Variants in DNAH14 observed in about 807,000 individuals in gnomAD.
DNAH14 encodes the protein dynein axonemal heavy chain 14, also known as axonemal beta dynein heavy chain 14.
In DNAH14, 478 loss-of-function variants were observed where a neutral mutation model predicts 520.9. The ratio of observed to expected loss-of-function variants is 0.92; its 90% CI spans 0.85 to 0.99. DNAH14 has a LOEUF of 0.99. Ranked by LOEUF, DNAH14 falls within the 50% of genes least tolerant of loss-of-function variation. The pLI is 0.00. For synonymous variants in DNAH14, 1,581 were observed against 1,757.2 expected (o/e 0.90, Z 2.51); for missense variants, 4,831 against 5,234.5 (o/e 0.92, Z 2.38).
intron 17 of DNAH14, among the ~76,000 whole-genome samples, chr1:225,056,016 A>T (rs149404123): frequency 2.6e-5 from 4 of 151,612 alleles, no homozygotes; most frequent in South Asian, 2.1e-4. Context: ...GTGTCTTTAT[A>T]GCAGCATGAT....
At chr1:225,082,190 G>GTGTGTGTGTT (rs1162678183) in intron 19 of DNAH14, among the ~76,000 whole-genome samples, 1 of 151,794 alleles carries the variant, frequency 6.6e-6, no homozygotes, top group Non-Finnish European at 1.5e-5. Flanking sequence ...GTGTGTGTGT[G>GTGTGTGTGTT]TGTGTGTGCA....
At chr1:225,222,629 G>A (rs1159782850) in intron 41 of DNAH14, among the ~76,000 whole-genome samples, 1 of 152,132 alleles carries the variant, frequency 6.6e-6, no homozygotes, top group African/African-American at 2.4e-5. Context: ...CCTCTAGCTA[G>A]CCACAGAGCA....
intron 8 of DNAH14, among the ~76,000 whole-genome samples, chr1:224,987,028 T>A (rs1378959414): frequency 1.3e-5 from 2 of 152,190 alleles, no homozygotes; most frequent in African/African-American, 4.8e-5. Context: ...TATTTCTATA[T>A]GCCAACAGCA....
intron 83 of DNAH14, among the ~76,000 whole-genome samples, chr1:225,391,472 A>G (rs1272902867): frequency 1.3e-5 from 2 of 152,124 alleles, no homozygotes; most frequent in Non-Finnish European, 2.9e-5. Context: ...ACCCTGTCTT[A>G]TCAATAAATA....
intron 10 of DNAH14, among the ~76,000 whole-genome samples, chr1:225,010,007 G>A (rs114172971): frequency 0.035 from 5,301 of 152,188 alleles, 127 homozygotes; most frequent in Non-Finnish European, 0.049. Flanking sequence ...TGAAATGATG[G>A]GGTTTTCTAA....
chr1:225,257,390 A>G (rs567730982), intron 44 of DNAH14, among the ~76,000 whole-genome samples: 48 of 152,316 alleles, frequency 3.2e-4, no homozygotes, highest in African/African-American at 1.1e-3. Flanking sequence ...GACATAATCA[A>G]TGGAGTTTTC....
intron 84 of DNAH14, 68 bp downstream of exon 84, chr1:225,392,519 G>A: frequency 6.5e-7 from 1 of 1,526,886 alleles, no homozygotes; most frequent in Non-Finnish European, 8.8e-7. Context: ...TCAATCAATT[G>A]TGCCCTTTAC....
At chr1:225,088,345 A>T (rs1364105172) in intron 21 of DNAH14, among the ~76,000 whole-genome samples, 1 of 152,202 alleles carries the variant, frequency 6.6e-6, no homozygotes, top group Non-Finnish European at 1.5e-5. Context: ...GACCAAAATT[A>T]AACTTCTAGA....
In DNAH14 at chr1:224,990,953, C is replaced by T. The variant is rs12749421; in HGVS notation, c.831-11830C>T. Among the ~76,000 whole-genome samples the T allele has an allele frequency of 5.9e-3, 901 of 151,996 alleles. 2 individuals carry two copies. Among genetic ancestry groups the T allele is most frequent in the Middle Eastern group, 0.01 (3 of 294 alleles). ...CCTTTTCTCCACATCCTTGCCAACA[C>T]TCATTTATTTTTCATTTTTTTGATA... On this transcript the variant is annotated intron_variant, in intron 8 of 85. Transcript: ENST00000682510.
chr1:225,325,963 TG>T (rs1251933287), intron 64 of DNAH14, among the ~76,000 whole-genome samples: 1 of 152,198 alleles, frequency 6.6e-6, no homozygotes, highest in Non-Finnish European at 1.5e-5. Context: ...TAAAAAGGAC[TG>T]GATATTTTTG....
At chr1:224,935,858 C>G (rs984882173) in intron 1 of DNAH14, among the ~76,000 whole-genome samples, 3 of 151,670 alleles carry the variant, frequency 2.0e-5, no homozygotes, top group Admixed American at 6.6e-5. Context: ...AATCAAGTAT[C>G]TTTTTTGGCC....
At chr1:225,187,071 C>G (rs934335622) in intron 37 of DNAH14, among the ~76,000 whole-genome samples, 19 of 151,568 alleles carry the variant, frequency 1.3e-4, no homozygotes, top group African/African-American at 4.6e-4. Flanking sequence ...TGCTATATGC[C>G]TTTAGATATA....
At chr1:225,371,553 A>G (rs2095618976) in intron 77 of DNAH14, among the ~76,000 whole-genome samples, 1 of 152,306 alleles carries the variant, frequency 6.6e-6, no homozygotes, top group South Asian at 2.1e-4. Context: ...GTCATTCAAC[A>G]GTGTCTTAGA....
At chr1:225,106,398 C>A (rs1031806422) in intron 23 of DNAH14, among the ~76,000 whole-genome samples, 1 of 151,834 alleles carries the variant, frequency 6.6e-6, no homozygotes, top group Admixed American at 6.6e-5. Context: ...TTGTGGCGTT[C>A]TCTGTATTTG....
chr1:225,219,938 A>C (rs1007604409), intron 41 of DNAH14, among the ~76,000 whole-genome samples: 4 of 152,190 alleles, frequency 2.6e-5, no homozygotes, highest in Admixed American at 6.5e-5. Context: ...ATCCACCAGC[A>C]CATCAGAAAG....
rs2087672791 is a variant in DNAH14 at position 225,207,077 on chromosome 1, G to C, written c.6296G>C (p.Ser2099Thr). 1.9e-6 allele frequency: 3 copies of C among 1,550,686 alleles called. No homozygotes were observed. ...TGTCTTGAATTCATGATTAAAAATA[G>C]TGTCACAGACGGACTACAATTTATA... ...VDCLEFMIKN[S>T]VTDGLQFIRN... The change falls in exon 41 of 86, where the codon AGT (serine) becomes ACT (threonine). Residue 2099 changes from serine (S) to threonine (T), a missense_variant. Ser to Thr is a moderately conservative substitution (Grantham distance 58, BLOSUM62 1). Transcript: ENST00000682510.
rs1294478776 is a variant in DNAH14, at chr1:225,374,173, A to AC, written c.12319-515_12319-514insC. Among the ~76,000 whole-genome samples, 2 of 89,982 alleles carry AC rather than the reference A, an allele frequency of 2.2e-5. 1 individual carries two copies. The highest frequency in any genetic ancestry group is 2.3e-4 in the Admixed American group (2 of 8,514). 59.0% of individuals were successfully genotyped at this position (89,982 alleles called of 152,430 possible). The stretch of plus-strand genomic sequence containing the variant: ...TATATATATATATATATATATATAT[A>AC]TATATATATACTATTCTAGTAAATA... On this transcript the variant is annotated intron_variant, in intron 77 of 85. Coordinates refer to ENST00000682510, the MANE Select transcript of DNAH14 (RefSeq NM_001367479.1).
intron 1 of DNAH14, among the ~76,000 whole-genome samples, chr1:224,939,115 A>G (rs990076251): frequency 2.6e-5 from 4 of 152,246 alleles, no homozygotes; most frequent in African/African-American, 7.2e-5. Context: ...CAAATTATAT[A>G]TGTATATTTT....
intron 8 of DNAH14, among the ~76,000 whole-genome samples, chr1:224,976,799 T>C (rs374246267): frequency 5.3e-5 from 8 of 151,928 alleles, no homozygotes; most frequent in South Asian, 2.1e-4. Flanking sequence ...TACCATCTCA[T>C]ACCAGTTAGA....
Sources: allele counts gnomAD v4.1 joint callset (sites outside exome capture counted in the v4.1 genomes callset), GRCh38; gene constraint gnomAD v4.1.1; transcripts MANE v1.5; gene names NCBI Gene and HGNC (gene_info 2026-07-23, HGNC 2026-07-21).